Variants in KIF6 observed in about 807,000 individuals in gnomAD.
KIF6 encodes kinesin-like protein KIF6.
In KIF6, 106 loss-of-function variants were observed where a neutral mutation model predicts 112.7. The ratio of observed to expected loss-of-function variants is 0.94; its 90% confidence interval spans 0.80 to 1.11. KIF6 has a LOEUF of 1.11. Ranked by LOEUF, KIF6 falls within the 50% of genes least tolerant of loss-of-function variation. The pLI, the probability that KIF6 is intolerant of heterozygous loss-of-function variation, is 0.00. For synonymous variants in KIF6, 339 were observed against 339.9 expected (o/e 1.00, Z 0.03); for missense variants, 929 against 964.0 (o/e 0.96, Z 0.48).
intron 19 of KIF6, among the ~76,000 whole-genome samples, chr6:39,356,554 C>T (rs151067625): frequency 1.1e-4 from 17 of 152,278 alleles, no homozygotes; most frequent in South Asian, 6.2e-4. Context: ...CATGAGCCAC[C>T]GTGCCCGGCC....
intron 5 of KIF6, among the ~76,000 whole-genome samples, chr6:39,626,114 C>A (rs1488582802): frequency 6.6e-6 from 1 of 152,176 alleles, no homozygotes; most frequent in Non-Finnish European, 1.5e-5. Flanking sequence ...GAGCCTACTC[C>A]AGTCTTCTCT....
chr6:39,709,709 G>A (rs775979056), intron 3 of KIF6, among the ~76,000 whole-genome samples: 3 of 152,192 alleles, frequency 2.0e-5, no homozygotes, highest in Non-Finnish European at 4.4e-5. Flanking sequence ...ACAGTAACCA[G>A]AATTAAGTTA....
intron 3 of KIF6, among the ~76,000 whole-genome samples, chr6:39,701,851 T>G (rs2113838199): frequency 6.6e-6 from 1 of 152,370 alleles, no homozygotes; most frequent in South Asian, 2.1e-4. Context: ...AGCATTAAAC[T>G]TCATTTACAC....
chr6:39,516,045 T>C (rs754452073), intron 13 of KIF6, among the ~76,000 whole-genome samples: 28 of 152,094 alleles, frequency 1.8e-4, no homozygotes, highest in South Asian at 2.1e-4. Flanking sequence ...CACTGGAGCA[T>C]TGTGGATTTT....
chr6:39,480,213 T>G (rs1774707149), intron 13 of KIF6, among the ~76,000 whole-genome samples: 1 of 152,188 alleles, frequency 6.6e-6, no homozygotes, highest in Non-Finnish European at 1.5e-5. Flanking sequence ...TTTATTACAT[T>G]GAGGCATGTC....
At chr6:39,451,760 C>CA (rs1772714320) in intron 13 of KIF6, among the ~76,000 whole-genome samples, 1 of 152,100 alleles carries the variant, frequency 6.6e-6, no homozygotes, top group South Asian at 2.1e-4. Flanking sequence ...GCATGCAGGG[C>CA]ATTCCAGGTG....
At chr6:39,461,186 G>A (rs1773450110) in intron 13 of KIF6, among the ~76,000 whole-genome samples, 1 of 152,136 alleles carries the variant, frequency 6.6e-6, no homozygotes, top group Non-Finnish European at 1.5e-5. Flanking sequence ...ATAACAATGA[G>A]AGTAAAGTTA....
chr6:39,402,392 G>A (rs575604032), intron 15 of KIF6, among the ~76,000 whole-genome samples: 2 of 152,310 alleles, frequency 1.3e-5, no homozygotes, highest in African/African-American at 4.8e-5. Context: ...GAAACTTGCA[G>A]TGATTTAGGA....
At chr6:39,490,244 C>G (rs954217797) in intron 13 of KIF6, among the ~76,000 whole-genome samples, 3 of 152,200 alleles carry the variant, frequency 2.0e-5, no homozygotes, top group Non-Finnish European at 2.9e-5. Context: ...ATGCTGTCTT[C>G]CAACTAAACA....
intron 13 of KIF6, among the ~76,000 whole-genome samples, chr6:39,456,605 T>C (rs1773128599): frequency 8.0e-6 from 1 of 124,956 alleles, no homozygotes; most frequent in Non-Finnish European, 1.6e-5. Context: ...GACCCATCAG[T>C]GTTCTGTATT....
At chr6:39,567,227 C>T (rs189491117) in intron 10 of KIF6, among the ~76,000 whole-genome samples, 4 of 152,274 alleles carry the variant, frequency 2.6e-5, no homozygotes, top group African/African-American at 4.8e-5. Context: ...GTACATAACA[C>T]GAATTACCCC....
chr6:39,542,278 C>T (rs1778830507), intron 12 of KIF6, among the ~76,000 whole-genome samples: 1 of 152,164 alleles, frequency 6.6e-6, no homozygotes, highest in Admixed American at 6.5e-5. Context: ...GTCTTCTTGT[C>T]CTCCCTATTC....
intron 21 of KIF6, among the ~76,000 whole-genome samples, chr6:39,344,066 A>G (rs753462659): frequency 9.2e-5 from 14 of 152,120 alleles, no homozygotes; most frequent in African/African-American, 3.4e-4. Flanking sequence ...CCCAAATCTC[A>G]TCTTGAACTG....
chr6:39,432,332 G>A (rs148786566), intron 13 of KIF6, among the ~76,000 whole-genome samples: 98 of 152,162 alleles, frequency 6.4e-4, no homozygotes, highest in African/African-American at 2.2e-3. Flanking sequence ...TTATTGCTGC[G>A]GGAACACAGT....
intron 5 of KIF6, among the ~76,000 whole-genome samples, chr6:39,617,228 G>A (rs1783568060): frequency 6.6e-6 from 1 of 152,142 alleles, no homozygotes; most frequent in East Asian, 1.9e-4. Flanking sequence ...TGGGGAAGAA[G>A]CAAGCTTTGT....
intron 13 of KIF6, among the ~76,000 whole-genome samples, chr6:39,478,996 A>G (rs960718179): frequency 2.6e-5 from 4 of 151,784 alleles, no homozygotes; most frequent in African/African-American, 9.7e-5. Context: ...CATTCTGGAT[A>G]TTACTCCTTT....
intron 10 of KIF6, among the ~76,000 whole-genome samples, chr6:39,556,459 A>G (rs1779713432): frequency 6.6e-6 from 1 of 152,180 alleles, no homozygotes; most frequent in Non-Finnish European, 1.5e-5. Context: ...GAGCTGTGAA[A>G]GAGAAGTTAA....
intron 13 of KIF6, among the ~76,000 whole-genome samples, chr6:39,529,934 T>G (rs1420264415): frequency 6.6e-6 from 1 of 152,276 alleles, no homozygotes; most frequent in Non-Finnish European, 1.5e-5. Flanking sequence ...TGTCACCTGC[T>G]CTGTAATGCT....
chr6:39,455,241 C>T (rs1242646050), intron 13 of KIF6, among the ~76,000 whole-genome samples: 2 of 151,766 alleles, frequency 1.3e-5, no homozygotes, highest in African/African-American at 4.8e-5. Context: ...AACTGGGAGG[C>T]ACCCCCCAGC....
Sources: gnomAD v4.1 joint callset for allele counts (sites outside exome capture counted in the v4.1 genomes callset) on GRCh38, gnomAD v4.1.1 for gene constraint, MANE v1.5 for transcripts, NCBI Gene and HGNC (gene_info 2026-07-23, HGNC 2026-07-21) for gene names.